Variants in MYBPHL observed in about 807,000 individuals in gnomAD.
The protein encoded by MYBPHL is myosin-binding protein H-like.
MYBPHL carries 32 observed loss-of-function variants against 39.5 expected under a neutral mutation model. That is an observed-to-expected ratio of 0.81 (90% CI 0.61 to 1.09). MYBPHL has a LOEUF of 1.09. MYBPHL is among the 50% of genes least tolerant of loss of function. The probability of loss-of-function intolerance (pLI) is 0.00; values close to 1 mark genes in which losing one functional copy is unlikely to be tolerated. For synonymous variants in MYBPHL, 196 were observed against 183.7 expected (o/e 1.07, Z -0.54); for missense variants, 456 against 460.2 (o/e 0.99, Z 0.08).
At chr1:109,301,747 GAAAAA>G (rs57771400) in intron 1 of MYBPHL, among the ~76,000 whole-genome samples, 1 of 138,532 alleles carries the variant, frequency 7.2e-6, no homozygotes, top group South Asian at 2.2e-4. Flanking sequence ...ATCTCAAAAA[GAAAAA>G]AAAAAAAAGA....
At chr1:109,301,750 A>C (rs1373858238) in intron 1 of MYBPHL, among the ~76,000 whole-genome samples, 1 of 150,930 alleles carries the variant, frequency 6.6e-6, no homozygotes, top group Non-Finnish European at 1.5e-5. Flanking sequence ...TCAAAAAGAA[A>C]AAAAAAAAAA....
At chr1:109,296,715 A>T in intron 5 of MYBPHL, 68 bp downstream of exon 5, 1 of 1,582,308 alleles carries the variant, frequency 6.3e-7, no homozygotes, top group Non-Finnish European at 8.7e-7. Flanking sequence ...CTGGAATTAG[A>T]GGCGTGAGCC....
In MYBPHL at chr1:109,296,218, C is replaced by G. The variant is rs1399606879; in HGVS notation, c.867+16G>C. The G allele has an allele frequency of 6.2e-7, 1 of 1,612,148 alleles. No individual in the cohort carries two copies. The highest frequency in any genetic ancestry group is 1.1e-5 in the South Asian group (1 of 90,998). Reference sequence around the variant, plus strand: ...AGAAGCAGCTCAGCACAGTGCCCCCCAGAGCCCCCACTCACCCGGGGAGAG... The same window carrying G: ...AGAAGCAGCTCAGCACAGTGCCCCCGAGAGCCCCCACTCACCCGGGGAGAG... On this transcript the variant is annotated intron_variant, in intron 6 of 8. Coordinates refer to ENST00000357155, the MANE Select transcript of MYBPHL (RefSeq NM_001010985.3).
chr1:109,304,345 A>G (rs1039804861), intron 1 of MYBPHL, among the ~76,000 whole-genome samples: 3 of 152,220 alleles, frequency 2.0e-5, no homozygotes, highest in Non-Finnish European at 4.4e-5. Context: ...CCTAGGCATG[A>G]GATTCAGTTT....
At chr1:109,295,039 C>A in intron 7 of MYBPHL, 72 bp downstream of exon 7, 1 of 1,529,276 alleles carries the variant, frequency 6.5e-7, no homozygotes, top group South Asian at 1.2e-5. Flanking sequence ...CGTCTCTGTT[C>A]CCTGACTCTT....
intron 2 of MYBPHL, among the ~76,000 whole-genome samples, chr1:109,297,920 T>G (rs1456593377): frequency 6.6e-6 from 1 of 152,186 alleles, no homozygotes; most frequent in Non-Finnish European, 1.5e-5. Flanking sequence ...AACTGCAAGC[T>G]CTGAGGCTTC....
chr1:109,299,260 T>G (rs148083575), intron 1 of MYBPHL, among the ~76,000 whole-genome samples: 2 of 152,330 alleles, frequency 1.3e-5, no homozygotes, highest in East Asian at 3.9e-4. Flanking sequence ...AACCCAGGAT[T>G]CTTGCCACAG....
At chr1:109,298,142 G>T in intron 2 of MYBPHL, 27 bp downstream of exon 2, 2 of 1,568,812 alleles carry the variant, frequency 1.3e-6, no homozygotes, top group South Asian at 1.2e-5. Context: ...CCCAGACATG[G>T]ACCCAGTATG....
At chr1:109,303,330 T>C (rs1437041516) in intron 1 of MYBPHL, among the ~76,000 whole-genome samples, 2 of 152,180 alleles carry the variant, frequency 1.3e-5, no homozygotes, top group Non-Finnish European at 2.9e-5. Context: ...ACGGTCATTA[T>C]TATACTCTCT....
intron 1 of MYBPHL, among the ~76,000 whole-genome samples, chr1:109,306,285 T>C (rs1658465920): frequency 6.6e-6 from 1 of 152,152 alleles, no homozygotes; most frequent in South Asian, 2.1e-4. Context: ...AATTGAATGC[T>C]TCTCCCAGGA....
chr1:109,303,455 G>GT (rs1187839155), intron 1 of MYBPHL, among the ~76,000 whole-genome samples: 1 of 152,178 alleles, frequency 6.6e-6, no homozygotes, highest in Non-Finnish European at 1.5e-5. Flanking sequence ...TCTGCACAGA[G>GT]TAACAGGACT....
At chr1:109,295,725 G>A (rs1658035611) in intron 6 of MYBPHL, among the ~76,000 whole-genome samples, 1 of 152,150 alleles carries the variant, frequency 6.6e-6, no homozygotes, top group Non-Finnish European at 1.5e-5. Flanking sequence ...CTTCTGAGAT[G>A]TTATCTCCAT....
chr1:109,302,197 C>T (rs963157241), intron 1 of MYBPHL, among the ~76,000 whole-genome samples: 3 of 151,972 alleles, frequency 2.0e-5, no homozygotes, highest in African/African-American at 7.3e-5. Flanking sequence ...TGCATACACA[C>T]GTGCCTATGT....
intron 6 of MYBPHL, 50 bp downstream of exon 6, chr1:109,296,184 G>C (rs1330390313): frequency 6.2e-7 from 1 of 1,601,702 alleles, no homozygotes. Context: ...GTTAGGACAG[G>C]CAGGAACAAG....
chr1:109,301,142 C>T (rs1658262278), intron 1 of MYBPHL, among the ~76,000 whole-genome samples: 1 of 152,224 alleles, frequency 6.6e-6, no homozygotes, highest in African/African-American at 2.4e-5. Flanking sequence ...TTTCACACAT[C>T]CGCAGTCAAG....
chr1:109,304,626 A>T (rs1161952466), intron 1 of MYBPHL, among the ~76,000 whole-genome samples: 1 of 152,188 alleles, frequency 6.6e-6, no homozygotes, highest in African/African-American at 2.4e-5. Flanking sequence ...ACCCCGTGGT[A>T]CTGCCCAGCA....
chr1:109,297,018 T>C (rs1329943263), intron 4 of MYBPHL, 32 bp downstream of exon 4: 5 of 1,613,966 alleles, frequency 3.1e-6, no homozygotes, highest in Admixed American at 1.7e-5. Flanking sequence ...ACATGCCCTC[T>C]TCCACCCTCC....
chr1:109,305,649 A>G (rs112352671), intron 1 of MYBPHL, among the ~76,000 whole-genome samples: 222 of 152,160 alleles, frequency 1.5e-3, no homozygotes, highest in African/African-American at 5.0e-3. Flanking sequence ...TGCCTCCATC[A>G]CCCCAGCTTA....
At position 109,297,516 on chromosome 1, in the gene MYBPHL, G is replaced by A. The variant is rs1158664488; in HGVS notation, c.336C>T (p.Ile112=). 1 of 1,613,844 alleles carries A rather than the reference G, an allele frequency of 6.2e-7. No homozygotes were observed. The change falls in exon 3 of 9, where the codon ATC becomes ATT. Residue 112 remains isoleucine, a synonymous_variant. Coordinates refer to ENST00000357155, the MANE Select transcript of MYBPHL (RefSeq NM_001010985.3). ...RNGEQDSILF[I]REAQRADSGR... ...CTGAGTCAGCACGTTGGGCTTCTCG[G>A]ATGAAGAGGATGGAGTCTTGCTCCC...
Sources: gnomAD v4.1 joint callset for allele counts (sites outside exome capture counted in the v4.1 genomes callset) on GRCh38, gnomAD v4.1.1 for gene constraint, MANE v1.5 for transcripts, NCBI Gene and HGNC (gene_info 2026-07-23, HGNC 2026-07-21) for gene names.